GRIA1: variants seen among roughly 807,000 people sequenced by gnomAD.
The protein encoded by GRIA1 is glutamate receptor 1.
A neutral mutation model predicts 99.2 loss-of-function variants in GRIA1; 31 were observed. That is an observed-to-expected ratio of 0.31 (90% CI 0.23 to 0.42). The LOEUF (loss-of-function observed/expected upper bound fraction) is 0.42, where lower values mean the gene tolerates loss of function less well. Among genes scored for constraint, GRIA1 ranks in the 10% least tolerant of loss-of-function variants. The pLI is 1.00. For missense variants in GRIA1, 782 were observed against 1,157.5 expected (o/e 0.68, Z 4.71); for synonymous variants, 438 against 432.4 (o/e 1.01, Z -0.16).
intron 10 of GRIA1, among the ~76,000 whole-genome samples, chr5:153,699,720 C>T (rs144279709): frequency 6.6e-4 from 100 of 152,096 alleles, no homozygotes; most frequent in African/African-American, 1.3e-3. Flanking sequence ...CCTTATATAA[C>T]GGTTACCTGT....
At chr5:153,794,949 C>T (rs555379433) in intron 14 of GRIA1, among the ~76,000 whole-genome samples, 2 of 152,296 alleles carry the variant, frequency 1.3e-5, no homozygotes, top group South Asian at 2.1e-4. Context: ...AGTTTCCAGT[C>T]CCCAGGACCC....
At chr5:153,773,769 A>G (rs1201418762) in intron 13 of GRIA1, among the ~76,000 whole-genome samples, 2 of 152,130 alleles carry the variant, frequency 1.3e-5, no homozygotes, top group Non-Finnish European at 2.9e-5. Flanking sequence ...AGAACACCCA[A>G]ATGATGGTCA....
intron 15 of GRIA1, among the ~76,000 whole-genome samples, chr5:153,806,315 G>T (rs1318461033): frequency 6.6e-6 from 1 of 151,808 alleles, no homozygotes; most frequent in Non-Finnish European, 1.5e-5. Flanking sequence ...GTCCAGGCTG[G>T]AGTTCAGTGG....
At chr5:153,624,817 T>C (rs1581354325) in intron 2 of GRIA1, among the ~76,000 whole-genome samples, 2 of 152,234 alleles carry the variant, frequency 1.3e-5, no homozygotes, top group East Asian at 3.8e-4. Flanking sequence ...ATCTTTAGTA[T>C]CTTCTGTATG....
chr5:153,610,896 T>A (rs1405611383), intron 2 of GRIA1, among the ~76,000 whole-genome samples: 1 of 152,246 alleles, frequency 6.6e-6, no homozygotes, highest in African/African-American at 2.4e-5. Context: ...GTTTATCGTG[T>A]GTCTCTCAAA....
At chr5:153,719,081 G>A (rs1759864466) in intron 11 of GRIA1, among the ~76,000 whole-genome samples, 1 of 152,130 alleles carries the variant, frequency 6.6e-6, no homozygotes, top group African/African-American at 2.4e-5. Flanking sequence ...TTTGAGGTCA[G>A]CATTAGGTTC....
intron 2 of GRIA1, among the ~76,000 whole-genome samples, chr5:153,604,519 G>A (rs1438375722): frequency 6.6e-6 from 1 of 152,134 alleles, no homozygotes; most frequent in Admixed American, 6.5e-5. Flanking sequence ...TTATCACAAA[G>A]GTAACACTCA....
intron 8 of GRIA1, among the ~76,000 whole-genome samples, chr5:153,689,123 G>A (rs984123182): frequency 3.3e-5 from 5 of 151,430 alleles, no homozygotes; most frequent in African/African-American, 1.2e-4. Context: ...CAAACTCCTG[G>A]GCTCAAGTGA....
intron 2 of GRIA1, among the ~76,000 whole-genome samples, chr5:153,637,205 C>T (rs1182605457): frequency 6.6e-6 from 1 of 152,156 alleles, no homozygotes; most frequent in Non-Finnish European, 1.5e-5. Context: ...AACAAATAGA[C>T]AGTTGGTAGT....
chr5:153,761,352 A>G (rs942466048), intron 11 of GRIA1, among the ~76,000 whole-genome samples: 2 of 152,186 alleles, frequency 1.3e-5, no homozygotes, highest in African/African-American at 2.4e-5. Flanking sequence ...AAAATGGGCA[A>G]AAAACCTGCA....
intron 14 of GRIA1, 76 bp downstream of exon 14, chr5:153,794,811 A>G: frequency 3.7e-6 from 3 of 817,614 alleles, no homozygotes; most frequent in Non-Finnish European, 6.2e-6. Flanking sequence ...TGTTCTCCCA[A>G]TACCTATCCT....
intron 11 of GRIA1, among the ~76,000 whole-genome samples, chr5:153,763,604 G>A (rs2149607103): frequency 6.6e-6 from 1 of 152,268 alleles, no homozygotes; most frequent in Admixed American, 6.5e-5. Context: ...CAAGTCACAT[G>A]CAAATCATCT....
intron 2 of GRIA1, among the ~76,000 whole-genome samples, chr5:153,625,999 T>G (rs1415598377): frequency 6.6e-6 from 1 of 152,168 alleles, no homozygotes; most frequent in Non-Finnish European, 1.5e-5. Flanking sequence ...GAGAGTCAAC[T>G]GACTGTCACA....
intron 2 of GRIA1, among the ~76,000 whole-genome samples, chr5:153,541,731 A>G (rs1322051720): frequency 1.3e-5 from 2 of 152,040 alleles, no homozygotes; most frequent in Admixed American, 1.3e-4. Context: ...AGAGATTGAG[A>G]CCATCCTGGC....
chr5:153,711,914 T>A (rs1759340359), intron 11 of GRIA1, among the ~76,000 whole-genome samples: 1 of 152,118 alleles, frequency 6.6e-6, no homozygotes, highest in African/African-American at 2.4e-5. Context: ...ATAGACTGAA[T>A]TGGAATGTGT....
intron 2 of GRIA1, among the ~76,000 whole-genome samples, chr5:153,544,060 C>T (rs1192670079): frequency 6.6e-6 from 1 of 151,998 alleles, no homozygotes; most frequent in East Asian, 1.9e-4. Context: ...AAAAGGTAAG[C>T]CAGGGAGTCA....
At chr5:153,805,032 G>A (rs557643928) in intron 15 of GRIA1, among the ~76,000 whole-genome samples, 7 of 152,092 alleles carry the variant, frequency 4.6e-5, no homozygotes, top group African/African-American at 1.2e-4. Flanking sequence ...GATTACAGGC[G>A]TGAGCCACCA....
intron 2 of GRIA1, among the ~76,000 whole-genome samples, chr5:153,496,906 G>C (rs1459257072): frequency 6.6e-6 from 1 of 151,774 alleles, no homozygotes; most frequent in Non-Finnish European, 1.5e-5. Context: ...AATTTTTGCT[G>C]TCATTTGATT....
At chr5:153,807,036 C>T (rs561200610) in intron 15 of GRIA1, among the ~76,000 whole-genome samples, 11 of 152,342 alleles carry the variant, frequency 7.2e-5, no homozygotes, top group African/African-American at 2.2e-4. Context: ...CTCTGTTCTT[C>T]CAGTCCCAGC....
Sources: gnomAD v4.1 joint callset for allele counts (sites outside exome capture counted in the v4.1 genomes callset) on GRCh38, gnomAD v4.1.1 for gene constraint, MANE v1.5 for transcripts, NCBI Gene and HGNC (gene_info 2026-07-23, HGNC 2026-07-21) for gene names.